FMNL2: variants seen among roughly 807,000 people sequenced by gnomAD.
FMNL2 encodes formin-like protein 2.
FMNL2 carries 51 observed loss-of-function variants against 130.2 expected under a neutral mutation model. The ratio of observed to expected loss-of-function variants is 0.39; its 90% CI spans 0.31 to 0.49. The LOEUF (loss-of-function observed/expected upper bound fraction) is 0.49. FMNL2 is among the 20% of genes least tolerant of loss of function. The pLI is 0.85. For synonymous variants in FMNL2, 465 were observed against 467.1 expected, an observed-to-expected ratio of 1.00 and a Z score of 0.06; for missense variants, 977 against 1,316.2, an observed-to-expected ratio of 0.74 and a Z score of 3.99.
intron 1 of FMNL2, among the ~76,000 whole-genome samples, chr2:152,464,697 A>T (rs1689430671): frequency 6.6e-6 from 1 of 152,210 alleles, no homozygotes; most frequent in African/African-American, 2.4e-5. Flanking sequence ...GCGTGTGAGG[A>T]GGAGGCTCAG....
intron 4 of FMNL2, among the ~76,000 whole-genome samples, chr2:152,557,477 C>G (rs907446071): frequency 7.9e-5 from 12 of 152,194 alleles, no homozygotes; most frequent in Admixed American, 1.3e-4. Flanking sequence ...TTTGCCGCCT[C>G]CTGGAACTAC....
chr2:152,339,781 G>A (rs1681692057), intron 1 of FMNL2, among the ~76,000 whole-genome samples: 1 of 152,130 alleles, frequency 6.6e-6, no homozygotes, highest in Admixed American at 6.6e-5. Flanking sequence ...GTTTTAGGAA[G>A]GAGTGGGAAC....
intron 1 of FMNL2, among the ~76,000 whole-genome samples, chr2:152,519,930 G>A (rs888105940): frequency 7.9e-5 from 12 of 152,130 alleles, no homozygotes; most frequent in African/African-American, 2.9e-4. Context: ...TAGCTGGGGT[G>A]CTAACATGAA....
intron 10 of FMNL2, among the ~76,000 whole-genome samples, chr2:152,611,054 A>G (rs114466456): frequency 6.6e-6 from 1 of 152,204 alleles, no homozygotes; most frequent in East Asian, 1.9e-4. Flanking sequence ...AAATATTTTT[A>G]AAGAGGCCGG....
intron 1 of FMNL2, among the ~76,000 whole-genome samples, chr2:152,508,935 A>G (rs887368393): frequency 1.2e-4 from 19 of 152,182 alleles, no homozygotes; most frequent in African/African-American, 4.6e-4. Flanking sequence ...GGAATAGTGC[A>G]CACTCTAGGG....
At chr2:152,420,192 AAGAG>A (rs2106038848) in intron 1 of FMNL2, among the ~76,000 whole-genome samples, 1 of 152,246 alleles carries the variant, frequency 6.6e-6, no homozygotes, top group East Asian at 1.9e-4. Flanking sequence ...GAGTATTTAA[AAGAG>A]AGTAGTGACA....
chr2:152,632,343 C>T (rs1457475643), intron 21 of FMNL2, among the ~76,000 whole-genome samples: 4 of 152,214 alleles, frequency 2.6e-5, no homozygotes, highest in Non-Finnish European at 5.9e-5. Flanking sequence ...ATCTCTGTGT[C>T]CTTTCTGTAA....
chr2:152,614,327 T>G lies in FMNL2; in HGVS notation c.1063-524T>G, dbSNP rs557014137. On this transcript the variant is annotated intron_variant, in intron 11 of 25. Coordinates refer to ENST00000288670, the MANE Select transcript of FMNL2 (RefSeq NM_052905.4). The stretch of plus-strand genomic sequence containing the variant: ...ATTTGGGGGAAAATGTGTGTGCATT[T>G]GGGAGAGCGTATTCACCCGAAAGTC... Among the ~76,000 whole-genome samples the G allele has an allele frequency of 5.3e-5, 8 of 152,374 alleles. No homozygotes were observed. In the South Asian group the frequency reaches 1.7e-3, roughly 32 times the overall value.
At chr2:152,570,627 A>G (rs1420215984) in intron 6 of FMNL2, among the ~76,000 whole-genome samples, 2 of 152,042 alleles carry the variant, frequency 1.3e-5, no homozygotes, top group Non-Finnish European at 2.9e-5. Context: ...ACTTCTCCAT[A>G]TTTCATTTCC....
Position 152,400,269 on chromosome 2 carries a change from T to C in FMNL2, c.117+64549T>C, listed in dbSNP as rs535568611. On this transcript the variant is annotated intron_variant, in intron 1 of 25. Coordinates refer to ENST00000288670, the MANE Select transcript of FMNL2 (RefSeq NM_052905.4). ...CAACATGGCGAAACTCCGTCTCTAA[T>C]AAAAAATACAAAAAGCAGCTGGATG... Among the ~76,000 whole-genome samples, 60 of 152,030 alleles carry C rather than the reference T, an allele frequency of 3.9e-4. No individual in the cohort carries two copies. The South Asian group carries it at 6.4e-3, about 16-fold the overall frequency.
chr2:152,553,349 T>G (rs1461233815), intron 4 of FMNL2, among the ~76,000 whole-genome samples: 2 of 152,214 alleles, frequency 1.3e-5, no homozygotes, highest in Non-Finnish European at 2.9e-5. Context: ...TTAGGTACTT[T>G]ACGTTTGTTA....
chr2:152,593,785 GCTGTGCAATGA>G (rs1359719725), intron 9 of FMNL2, among the ~76,000 whole-genome samples: 40 of 149,134 alleles, frequency 2.7e-4, no homozygotes, highest in African/African-American at 9.1e-4. Context: ...CAGATTCTTA[GCTGTGCAATGA>G]AGGTAATGAA....
At chr2:152,425,298 T>C (rs1687145446) in intron 1 of FMNL2, among the ~76,000 whole-genome samples, 1 of 152,168 alleles carries the variant, frequency 6.6e-6, no homozygotes, top group African/African-American at 2.4e-5. Context: ...AGTAAAGGAA[T>C]TGGAGACAGA....
intron 3 of FMNL2, among the ~76,000 whole-genome samples, chr2:152,545,498 G>A (rs1694573804): frequency 6.6e-6 from 1 of 152,134 alleles, no homozygotes; most frequent in African/African-American, 2.4e-5. Context: ...AGAAAAGGAA[G>A]AGCCTAAATT....
At chr2:152,523,725 A>G (rs1693231015) in intron 2 of FMNL2, among the ~76,000 whole-genome samples, 1 of 152,172 alleles carries the variant, frequency 6.6e-6, no homozygotes, top group South Asian at 2.1e-4. Context: ...GCCGTTCATT[A>G]TTTAATTTGG....
chr2:152,636,689 C>CT, intron 22 of FMNL2, 99 bp downstream of exon 22: 2 of 1,369,004 alleles, frequency 1.5e-6, no homozygotes, highest in East Asian at 5.1e-5. Context: ...CCATTTCCCT[C>CT]TGTTTGTGGA....
chr2:152,558,709 C>T, intron 4 of FMNL2, 31 bp from the exon 5 acceptor site: 1 of 1,523,528 alleles, frequency 6.6e-7, no homozygotes, highest in Non-Finnish European at 8.8e-7. Context: ...ATCAATTTCT[C>T]CAATGATTTT....
In FMNL2 at chr2:152,509,737, C is replaced by CTTTTTTTTTTTTTTTTTTTT. The variant is rs138976882; in HGVS notation, c.118-12199_118-12180dup. Reference sequence around the variant, plus strand: ...GAGAAGGTATATCTGTACTCTGGACCTTTTTTTTTTTTTTTTTTTTTTTTT... The same window carrying CTTTTTTTTTTTTTTTTTTTT: ...GAGAAGGTATATCTGTACTCTGGACCTTTTTTTTTTTTTTTTTTTTTTTTTTTTTTTTTTTTTTTTTTTTT... On this transcript the variant is annotated intron_variant, in intron 1 of 25. Coordinates refer to ENST00000288670, the MANE Select transcript of FMNL2 (RefSeq NM_052905.4). 6.8e-5 allele frequency among the ~76,000 whole-genome samples: 4 copies of CTTTTTTTTTTTTTTTTTTTT among 58,684 alleles called. 2 individuals carry two copies. Among genetic ancestry groups the CTTTTTTTTTTTTTTTTTTTT allele is most frequent in the African/African-American group, 2.9e-4 (4 of 14,034 alleles). The allele number at this position is 58,684 out of a possible 152,430, so 38.5% of individuals were successfully genotyped here.
chr2:152,347,232 C>G (rs1682179274), intron 1 of FMNL2, among the ~76,000 whole-genome samples: 1 of 152,106 alleles, frequency 6.6e-6, no homozygotes, highest in African/African-American at 2.4e-5. Context: ...TATTGCTCAC[C>G]TGAACTTACT....
Sources: allele counts gnomAD v4.1 joint callset (sites outside exome capture counted in the v4.1 genomes callset), GRCh38; gene constraint gnomAD v4.1.1; transcripts MANE v1.5; gene names NCBI Gene and HGNC (gene_info 2026-07-23, HGNC 2026-07-21).